The following GABRB3 variants were observed in gnomAD, a reference collection of about 807,000 sequenced individuals.
GABRB3 encodes the protein gamma-aminobutyric acid type A receptor subunit beta3.
In GABRB3, 14 loss-of-function variants were observed where a neutral mutation model predicts 52.1. The observed-to-expected ratio is 0.27, with a 90% CI of 0.18 to 0.42. GABRB3 has a LOEUF of 0.42. GABRB3 is among the 10% of genes least tolerant of loss of function. The pLI, the probability that GABRB3 is intolerant of heterozygous loss-of-function variation, is 1.00. For synonymous variants in GABRB3, 260 were observed against 232.3 expected, an observed-to-expected ratio of 1.12 and a Z score of -1.08; for missense variants, 307 against 609.1, an observed-to-expected ratio of 0.50 and a Z score of 5.22.
intron 5 of GABRB3, among the ~76,000 whole-genome samples, chr15:26,580,989 G>A (rs78767517): frequency 1.3e-5 from 2 of 152,292 alleles, no homozygotes; most frequent in Middle Eastern, 3.4e-3. Flanking sequence ...TCCTGGCCAC[G>A]AAGTTTGCCA....
At chr15:26,686,139 C>T (rs1888398682) in intron 3 of GABRB3, among the ~76,000 whole-genome samples, 1 of 151,936 alleles carries the variant, frequency 6.6e-6, no homozygotes, top group Non-Finnish European at 1.5e-5. Flanking sequence ...AACATGGGGT[C>T]TTGCTATGTT....
At chr15:26,735,845 C>T (rs1890050407) in intron 3 of GABRB3, among the ~76,000 whole-genome samples, 1 of 151,706 alleles carries the variant, frequency 6.6e-6, no homozygotes, top group African/African-American at 2.4e-5. Flanking sequence ...GTCCCAGCTA[C>T]TTCAGAGGCT....
intron 4 of GABRB3, among the ~76,000 whole-genome samples, chr15:26,618,345 CCT>C (rs1399990103): frequency 3.6e-4 from 54 of 151,732 alleles, no homozygotes; most frequent in African/African-American, 1.2e-3. Flanking sequence ...AGAACAGAGC[CCT>C]CAGAAATAAC....
chr15:26,595,600 AGAGCTTG>A (rs1891369295), intron 4 of GABRB3, among the ~76,000 whole-genome samples: 1 of 152,254 alleles, frequency 6.6e-6, no homozygotes, highest in East Asian at 1.9e-4. Flanking sequence ...TGAGGGGACA[AGAGCTTG>A]GAGCTTTTTA....
chr15:26,643,407 C>G (rs1234243035), intron 3 of GABRB3, among the ~76,000 whole-genome samples: 1 of 152,208 alleles, frequency 6.6e-6, no homozygotes, highest in Non-Finnish European at 1.5e-5. Context: ...AACCTTAAAC[C>G]CTCAAGATCA....
intron 4 of GABRB3, among the ~76,000 whole-genome samples, chr15:26,603,506 T>C (rs910298433): frequency 1.3e-5 from 2 of 152,014 alleles, no homozygotes; most frequent in African/African-American, 4.8e-5. Flanking sequence ...CTAATGAATA[T>C]TGATGCAAAA....
chr15:26,666,888 C>T (rs1178348341), intron 3 of GABRB3, among the ~76,000 whole-genome samples: 1 of 152,128 alleles, frequency 6.6e-6, no homozygotes, highest in Non-Finnish European at 1.5e-5. Context: ...GATCAGGGCT[C>T]TCTGTTTCCA....
chr15:26,722,243 A>G (rs1889661209), intron 3 of GABRB3, among the ~76,000 whole-genome samples: 1 of 152,166 alleles, frequency 6.6e-6, no homozygotes, highest in Non-Finnish European at 1.5e-5. Context: ...TCGTTGTAAG[A>G]TGGTTTCGGG....
intron 3 of GABRB3, among the ~76,000 whole-genome samples, chr15:26,705,718 G>A (rs1247848403): frequency 1.3e-5 from 2 of 152,186 alleles, no homozygotes; most frequent in African/African-American, 2.4e-5. Context: ...GGGTGGACAC[G>A]AGAGAGGAAG....
At chr15:26,595,649 T>A (rs756789722) in intron 4 of GABRB3, among the ~76,000 whole-genome samples, 2 of 152,220 alleles carry the variant, frequency 1.3e-5, no homozygotes, top group Non-Finnish European at 2.9e-5. Context: ...ACCATCCAAG[T>A]GGAGCCTAAA....
chr15:26,689,439 C>T (rs1375992530), intron 3 of GABRB3, among the ~76,000 whole-genome samples: 1 of 152,170 alleles, frequency 6.6e-6, no homozygotes, highest in African/African-American at 2.4e-5. Context: ...GCAAAAGGAA[C>T]TGGAGTTTAT....
intron 3 of GABRB3, among the ~76,000 whole-genome samples, chr15:26,730,563 G>A (rs1889885388): frequency 6.6e-6 from 1 of 152,210 alleles, no homozygotes; most frequent in Non-Finnish European, 1.5e-5. Context: ...AGAGCCCTCA[G>A]CCCAGGGCCA....
intron 3 of GABRB3, among the ~76,000 whole-genome samples, chr15:26,631,519 C>T (rs2140559211): frequency 6.6e-6 from 1 of 152,304 alleles, no homozygotes; most frequent in African/African-American, 2.4e-5. Context: ...CCACAGGACA[C>T]CTGCATTTGC....
At chr15:26,609,088 A>G (rs2140514378) in intron 4 of GABRB3, among the ~76,000 whole-genome samples, 1 of 73,880 alleles carries the variant, frequency 1.4e-5, no homozygotes, top group Middle Eastern at 5.6e-3. Flanking sequence ...AATGATACAC[A>G]CACACACACA....
intron 3 of GABRB3, among the ~76,000 whole-genome samples, chr15:26,646,472 TGTG>T (rs1566789489): frequency 6.6e-6 from 1 of 152,232 alleles, no homozygotes; most frequent in Non-Finnish European, 1.5e-5. Context: ...TTAGTGAGCA[TGTG>T]GGTTATTTCC....
intron 3 of GABRB3, among the ~76,000 whole-genome samples, chr15:26,691,654 A>G (rs932307919): frequency 2.6e-5 from 4 of 152,222 alleles, no homozygotes; most frequent in Admixed American, 1.3e-4. Context: ...ATTACAAGAA[A>G]TAAGGTTACT....
intron 3 of GABRB3, among the ~76,000 whole-genome samples, chr15:26,680,405 A>T (rs1888202136): frequency 6.6e-6 from 1 of 152,074 alleles, no homozygotes; most frequent in East Asian, 1.9e-4. Flanking sequence ...CCACCTTGGA[A>T]GAACTGGCCT....
intron 3 of GABRB3, among the ~76,000 whole-genome samples, chr15:26,756,779 C>T (rs1201363265): frequency 1.3e-5 from 2 of 152,188 alleles, no homozygotes; most frequent in African/African-American, 4.8e-5. Flanking sequence ...TGCCTCACTT[C>T]TTTCCACTTA....
chr15:26,755,237 C>T (rs1890629153), intron 3 of GABRB3, among the ~76,000 whole-genome samples: 1 of 151,932 alleles, frequency 6.6e-6, no homozygotes, highest in African/African-American at 2.4e-5. Flanking sequence ...GATCTCCTGA[C>T]CTTGTGATCT....
Sources: allele counts gnomAD v4.1 joint callset (sites outside exome capture counted in the v4.1 genomes callset), GRCh38; gene constraint gnomAD v4.1.1; transcripts MANE v1.5; gene names NCBI Gene and HGNC (gene_info 2026-07-23, HGNC 2026-07-21).